TRIO: variants seen among roughly 807,000 people sequenced by gnomAD.
TRIO encodes trio Rho guanine nucleotide exchange factor.
Under a neutral mutation model 351.9 loss-of-function variants are expected in TRIO, and 58 were observed. The observed-to-expected ratio is 0.16, with a 90% CI of 0.13 to 0.21. The LOEUF is 0.21. Ranked by LOEUF, TRIO falls within the 10% of genes least tolerant of loss-of-function variation. The pLI is 1.00. For missense variants in TRIO, 3,201 were observed against 4,027.8 expected (o/e 0.79, Z 5.56); for synonymous variants, 1,758 against 1,595.7 (o/e 1.10, Z -2.42).
At chr5:14,236,932 T>C (rs921986562) in intron 1 of TRIO, among the ~76,000 whole-genome samples, 16 of 152,206 alleles carry the variant, frequency 1.1e-4, no homozygotes, top group Admixed American at 9.8e-4. Context: ...TTTTATAACC[T>C]GAGAGAGGTA....
chr5:14,425,118 G>A (rs1750532029), intron 34 of TRIO, among the ~76,000 whole-genome samples: 1 of 152,162 alleles, frequency 6.6e-6, no homozygotes, highest in Non-Finnish European at 1.5e-5. Context: ...CAGATCAGTG[G>A]CATTAAGTAC....
intron 17 of TRIO, 129 bp downstream of exon 17, chr5:14,369,028 A>G: frequency 8.5e-7 from 1 of 1,176,696 alleles, no homozygotes; most frequent in Non-Finnish European, 1.2e-6. Context: ...AAGCAGGGAA[A>G]AGGCATTCTG....
chr5:14,509,279 T>C lies in TRIO; in HGVS notation c.*857T>C. ...TTACTTCATATCATGTGCAATGTTG[T>C]GGCTTTAACATTTTATGCAACTATT... On this transcript the variant is annotated 3_prime_UTR_variant, in exon 57 of 57. Coordinates refer to ENST00000344204, the MANE Select transcript of TRIO (RefSeq NM_007118.4). 1 of 376,710 alleles carries C rather than the reference T, an allele frequency of 2.7e-6. No individual in the cohort carries two copies. The highest frequency in any genetic ancestry group is 5.1e-6 in the Non-Finnish European group (1 of 194,998). 23.3% of individuals were successfully genotyped at this position (376,710 alleles called of 1,614,324 possible).
intron 49 of TRIO, among the ~76,000 whole-genome samples, chr5:14,494,146 G>T (rs1391241760): frequency 6.6e-6 from 1 of 152,184 alleles, no homozygotes; most frequent in Non-Finnish European, 1.5e-5. Flanking sequence ...AAATCCTGGG[G>T]TCCTTAAGAA....
intron 1 of TRIO, among the ~76,000 whole-genome samples, chr5:14,255,378 C>T (rs1365018317): frequency 6.6e-6 from 1 of 152,092 alleles, no homozygotes; most frequent in Non-Finnish European, 1.5e-5. Context: ...AAATGAGAGA[C>T]AAAACAAATG....
chr5:14,353,900 T>C (rs1295515325), intron 11 of TRIO, among the ~76,000 whole-genome samples: 2 of 152,216 alleles, frequency 1.3e-5, no homozygotes, highest in Non-Finnish European at 2.9e-5. Context: ...AAAATGAGAC[T>C]TGGTAAAATC....
chr5:14,164,382 G>T (rs998337480), intron 1 of TRIO, among the ~76,000 whole-genome samples: 1 of 152,196 alleles, frequency 6.6e-6, no homozygotes, highest in African/African-American at 2.4e-5. Flanking sequence ...TCCTGCCCCA[G>T]AATGGGCTAG....
In TRIO at chr5:14,461,248, C is replaced by T. The variant is rs1753780917; in HGVS notation, c.5433C>T (p.Asp1811=). Residue 1811 remains aspartate, a synonymous_variant, in exon 35 of 57, where the codon GAC becomes GAT. Coordinates refer to ENST00000344204, the MANE Select transcript of TRIO (RefSeq NM_007118.4). ...KKSREVRKSA[D]AGSQKDSDDS... Reference sequence around the variant, plus strand: ...GCCGCGAGGTCCGCAAGAGCGCCGACGCCGGCTCGCAGAAGGACTCCGACG... The same window carrying T: ...GCCGCGAGGTCCGCAAGAGCGCCGATGCCGGCTCGCAGAAGGACTCCGACG... 1.9e-6 allele frequency: 3 copies of T among 1,591,816 alleles called. No homozygotes were observed. Among genetic ancestry groups the T allele is most frequent in the African/African-American group, 1.3e-5 (1 of 74,670 alleles).
At chr5:14,343,922 A>G (rs1742171321) in intron 11 of TRIO, among the ~76,000 whole-genome samples, 1 of 152,246 alleles carries the variant, frequency 6.6e-6, no homozygotes, top group African/African-American at 2.4e-5. Flanking sequence ...TCAGCATCTT[A>G]CAAGTCCAGG....
rs1382792814 is a variant in TRIO at position 14,172,290 on chromosome 5, C to G, written c.157+28408C>G. ...CCAAGCAGTACTTGCCCCTGAGAAG[C>G]AGGAAGTGCAGCAGATTTAGTAGAA... On this transcript the variant is annotated intron_variant, in intron 1 of 56. Coordinates refer to ENST00000344204, the MANE Select transcript of TRIO (RefSeq NM_007118.4). Among the ~76,000 whole-genome samples, 4 of 152,324 alleles carry G rather than the reference C, an allele frequency of 2.6e-5. No homozygotes were observed. The East Asian group carries it at 5.8e-4, about 22-fold the overall frequency.
Position 14,488,153 on chromosome 5 carries a change from C to T in TRIO, c.7525C>T (p.Leu2509Phe). The change falls in exon 48 of 57, where the codon CTC becomes TTC. Residue 2509 changes from leucine (L) to phenylalanine (F), a missense_variant. By Grantham distance (22) the Leu-to-Phe change is conservative. Around this residue, in one of 19 missense-constraint regions of TRIO, gnomAD observed 1,089 missense variants for 954.9 expected, o/e 1.14. Coordinates refer to ENST00000344204, the MANE Select transcript of TRIO (RefSeq NM_007118.4). ...CACCTTCCCGGGGGACAGCGACTCC[C>T]TCCAGCGGCAGACACCCCGCCACGC... Reference protein sequence around the residue: ...SFTFPGDSDSLQRQTPRHAAP... With the variant: ...SFTFPGDSDSFQRQTPRHAAP... 5.0e-6 allele frequency: 8 copies of T among 1,606,554 alleles called. No individual in the cohort carries two copies. The highest frequency in any genetic ancestry group is 1.1e-5 in the South Asian group (1 of 90,990).
chr5:14,399,033 G>A lies in TRIO; in HGVS notation c.4577G>A (p.Ser1526Asn). Residue 1526 changes from serine to asparagine, a missense_variant, in exon 30 of 57, where the codon AGT (serine) becomes AAT (asparagine). Coordinates refer to ENST00000344204, the MANE Select transcript of TRIO (RefSeq NM_007118.4). ...LVFSKEVKDS[S>N]GRSKYLYKSK... Reference sequence around the variant, plus strand: ...TTTAGTAAAGAAGTGAAAGATTCCAGTGGGAGAAGCAAGTACCTTTATAAA... The same window carrying A: ...TTTAGTAAAGAAGTGAAAGATTCCAATGGGAGAAGCAAGTACCTTTATAAA... The A allele has an allele frequency of 1.9e-6, 3 of 1,614,180 alleles. No homozygotes were observed. The highest frequency in any genetic ancestry group is 2.5e-6 in the Non-Finnish European group (3 of 1,180,024).
chr5:14,470,987 A>G (rs1217923078), intron 37 of TRIO, among the ~76,000 whole-genome samples: 1 of 152,206 alleles, frequency 6.6e-6, no homozygotes, highest in Non-Finnish European at 1.5e-5. Context: ...GATATTAAAT[A>G]TGTGTGATAT....
At position 14,509,051 on chromosome 5, in the gene TRIO, C is replaced by G. The variant is rs1757912807; in HGVS notation, c.*629C>G. 5.4e-6 allele frequency: 1 copy of G among 185,074 alleles called. No individual in the cohort carries two copies. Among genetic ancestry groups the G allele is most frequent in the South Asian group, 9.8e-5 (1 of 10,226 alleles). 11.5% of individuals were successfully genotyped at this position (185,074 alleles called of 1,614,324 possible). ...CTGCCTTCGGTCTGTCATTTTCCCA[C>G]CTGCCTCCCCTACCCACCCCCCACC... On this transcript the variant is annotated 3_prime_UTR_variant, in exon 57 of 57. Transcript: ENST00000344204.
chr5:14,485,201 C>T lies in TRIO; in HGVS notation c.6790C>T (p.His2264Tyr). ...TCCAAGTGTCCGGCAAACTTGGATC[C>T]ATGAAATCAACCAAATTTTAGAAAA... ...SSPSVRQTWI[H>Y]EINQILENQR... is the part of the protein sequence containing the mutation. The change falls in exon 47 of 57, where the codon CAT (histidine) becomes TAT (tyrosine). Residue 2264 changes from histidine (H) to tyrosine (Y), a missense_variant. His to Tyr is a moderately conservative substitution (Grantham distance 83, BLOSUM62 2). Around this residue, in one of 19 missense-constraint regions of TRIO, gnomAD observed 1,089 missense variants for 954.9 expected, o/e 1.14. Coordinates refer to ENST00000344204, the MANE Select transcript of TRIO (RefSeq NM_007118.4). 1.3e-6 allele frequency: 2 copies of T among 1,583,412 alleles called. No homozygotes were observed. The highest frequency in any genetic ancestry group is 1.7e-6 in the Non-Finnish European group (2 of 1,156,690).
intron 1 of TRIO, among the ~76,000 whole-genome samples, chr5:14,233,041 G>A (rs1447183817): frequency 1.3e-5 from 2 of 152,158 alleles, no homozygotes; most frequent in African/African-American, 4.8e-5. Flanking sequence ...GAGGGTGTGT[G>A]AGTGATTGTG....
intron 5 of TRIO, 43 bp downstream of exon 5, chr5:14,291,271 G>T (rs1219073534): frequency 6.3e-7 from 1 of 1,585,484 alleles, no homozygotes; most frequent in East Asian, 2.2e-5. Context: ...CATGGGGGAA[G>T]CCAGCGCTGG....
intron 34 of TRIO, among the ~76,000 whole-genome samples, chr5:14,434,265 T>G (rs1198965404): frequency 6.6e-6 from 1 of 152,228 alleles, no homozygotes; most frequent in East Asian, 1.9e-4. Flanking sequence ...TTGTTCATTC[T>G]TTTGTCCCAC....
At position 14,498,144 on chromosome 5, in the gene TRIO, CGTT is replaced by C. The variant is rs1561563070; in HGVS notation, c.8107_8109del (p.Val2703del). 1 of 1,614,144 alleles carries C rather than the reference CGTT, an allele frequency of 6.2e-7. No homozygotes were observed. The highest frequency in any genetic ancestry group is 8.5e-7 in the Non-Finnish European group (1 of 1,180,026). On this transcript the variant is annotated inframe_deletion, in exon 52 of 57. Transcript: ENST00000344204. ...AGGTCACGTGTGAGACAGGGGAGAC[CGTT>C]GTTCTTAGATGTCGAGTCTGTGGCC...
Sources: allele counts gnomAD v4.1 joint callset (sites outside exome capture counted in the v4.1 genomes callset), GRCh38; gene constraint gnomAD v4.1.1; regional missense constraint gnomAD v4.1.1; transcripts MANE v1.5; gene names NCBI Gene and HGNC (gene_info 2026-07-23, HGNC 2026-07-21).